Variants in USP31 observed in about 807,000 individuals in gnomAD.
USP31 encodes ubiquitin specific peptidase 31.
A neutral mutation model predicts 119.4 loss-of-function variants in USP31; 44 were observed. That is an observed-to-expected ratio of 0.37 (90% confidence interval 0.29 to 0.47). USP31 has a LOEUF of 0.47. Among genes scored for constraint, USP31 ranks in the 20% least tolerant of loss-of-function variants. The pLI is 0.99. For missense variants in USP31, 1,643 were observed against 1,730.2 expected, an observed-to-expected ratio of 0.95 and a Z score of 0.89; for synonymous variants, 749 against 705.6, an observed-to-expected ratio of 1.06 and a Z score of -0.97.
Position 23,102,399 on chromosome 16 carries a change from T to A in USP31, c.1154A>T (p.Glu385Val). 1 of 1,613,978 alleles carries A rather than the reference T, an allele frequency of 6.2e-7. No homozygotes were observed. Among genetic ancestry groups the A allele is most frequent in the Middle Eastern group, 1.7e-4 (1 of 6,060 alleles). ...AATGCAGTCGCTTTCATGGACTGTTTCCAGGTCGTCTGTATCACAAAAGGA... is the reference window on the plus strand; with the variant it reads ...AATGCAGTCGCTTTCATGGACTGTTACCAGGTCGTCTGTATCACAAAAGGA... ...HRSFCDTDDLETVHESDCIFA... is the reference protein window; with the variant it reads ...HRSFCDTDDLVTVHESDCIFA... Residue 385 changes from glutamate (E) to valine (V), a missense_variant, in exon 6 of 16, where the codon GAA becomes GTA. By Grantham distance (121) the Glu-to-Val change is moderately radical. Around this residue, in one of 5 missense-constraint regions of USP31, gnomAD observed 219 missense variants for 226.4 expected, o/e 0.97. Transcript: ENST00000219689.
chr16:23,140,761 A>G (rs997349625), intron 1 of USP31, among the ~76,000 whole-genome samples: 1 of 152,112 alleles, frequency 6.6e-6, no homozygotes. Context: ...TGACTCCCCC[A>G]AAACTCCTTC....
At chr16:23,077,003 C>T (rs1052537425) in intron 13 of USP31, among the ~76,000 whole-genome samples, 2 of 152,122 alleles carry the variant, frequency 1.3e-5, no homozygotes, top group Non-Finnish European at 2.9e-5. Context: ...GTATACATGG[C>T]CCCCATAAAA....
chr16:23,143,589 G>GGA (rs1555470411), intron 1 of USP31, among the ~76,000 whole-genome samples: 44 of 151,330 alleles, frequency 2.9e-4, no homozygotes, highest in Admixed American at 9.9e-4. Flanking sequence ...AGAGGTTGGG[G>GGA]GGGGGGAGAG....
chr16:23,090,357 G>A (rs1901300370), intron 7 of USP31, among the ~76,000 whole-genome samples: 1 of 152,048 alleles, frequency 6.6e-6, no homozygotes, highest in African/African-American at 2.4e-5. Flanking sequence ...CTACACTCCA[G>A]CCTGGGCAAC....
rs190193982 is a variant in USP31, at chr16:23,125,717, T to A, written c.634-17534A>T. On this transcript the variant is annotated intron_variant, in intron 1 of 15. Coordinates refer to ENST00000219689, the MANE Select transcript of USP31 (RefSeq NM_020718.4). ...AGGAAGATTTACCAAGTTGTCACTG[T>A]ACTGTTATAAAGGAACTCTTATTTT... Among the ~76,000 whole-genome samples the A allele has an allele frequency of 2.0e-3, 304 of 152,328 alleles. 2 individuals are homozygous for A. The highest frequency in any genetic ancestry group is 3.5e-3 in the Non-Finnish European group (236 of 68,026).
intron 6 of USP31, 106 bp downstream of exon 6, chr16:23,102,213 C>T (rs1901906832): frequency 8.1e-7 from 1 of 1,236,954 alleles, no homozygotes. Context: ...TATTTTACCA[C>T]AATTTAAAAA....
chr16:23,124,205 T>C (rs1003465849), intron 1 of USP31, among the ~76,000 whole-genome samples: 1 of 151,954 alleles, frequency 6.6e-6, no homozygotes, highest in Non-Finnish European at 1.5e-5. Flanking sequence ...ACCTCCACAT[T>C]ACCTAAAAGG....
chr16:23,084,166 A>C (rs1480527361), intron 11 of USP31, among the ~76,000 whole-genome samples: 1 of 152,218 alleles, frequency 6.6e-6, no homozygotes, highest in Non-Finnish European at 1.5e-5. Context: ...TTATGATCCT[A>C]GATATCAATG....
intron 6 of USP31, among the ~76,000 whole-genome samples, chr16:23,098,307 C>T (rs537239468): frequency 6.6e-6 from 1 of 152,234 alleles, no homozygotes; most frequent in East Asian, 1.9e-4. Context: ...CAAACCACTG[C>T]TCAATGAAAT....
At chr16:23,128,947 CATG>C (rs1902948282) in intron 1 of USP31, among the ~76,000 whole-genome samples, 2 of 152,128 alleles carry the variant, frequency 1.3e-5, no homozygotes, top group Admixed American at 6.5e-5. Flanking sequence ...GTTGCCAGTC[CATG>C]ATGAGATTAT....
intron 1 of USP31, among the ~76,000 whole-genome samples, chr16:23,110,085 A>T (rs1467361925): frequency 6.6e-6 from 1 of 152,188 alleles, no homozygotes; most frequent in Non-Finnish European, 1.5e-5. Flanking sequence ...AGTTATAACA[A>T]ATGCACTACA....
intron 11 of USP31, 38 bp from the exon 12 acceptor site, chr16:23,082,595 A>T (rs1215180937): frequency 6.2e-7 from 1 of 1,612,796 alleles, no homozygotes; most frequent in South Asian, 1.1e-5. Context: ...AGTGCCACTT[A>T]ATGCAAGACT....
In USP31 at chr16:23,067,440, G is replaced by A. The variant is rs1335357436; in HGVS notation, c.*606C>T. On this transcript the variant is annotated 3_prime_UTR_variant, in exon 16 of 16. Transcript: ENST00000219689. Reference sequence around the variant, plus strand: ...CACCTTCCTCTTTAATCCATTTACTGGTGTGCAACCATCCTAGACTAGCTG... The same window carrying A: ...CACCTTCCTCTTTAATCCATTTACTAGTGTGCAACCATCCTAGACTAGCTG... 3 of 152,646 alleles carry A rather than the reference G, an allele frequency of 2.0e-5. No homozygotes were observed. The highest frequency in any genetic ancestry group is 4.8e-5 in the African/African-American group (2 of 41,444). The allele number at this position is 152,646 out of a possible 1,614,324, so 9.5% of individuals were successfully genotyped here. A position where few individuals can be genotyped will look rare whatever the true frequency, so the allele number is the denominator to read the frequency against.
intron 6 of USP31, among the ~76,000 whole-genome samples, chr16:23,096,862 A>G (rs1343094943): frequency 1.3e-5 from 2 of 152,370 alleles, no homozygotes; most frequent in South Asian, 2.1e-4. Context: ...GGAAATTTAT[A>G]GCACCAAATG....
intron 1 of USP31, among the ~76,000 whole-genome samples, chr16:23,131,532 ATGT>A (rs1482071605): frequency 6.6e-6 from 1 of 152,108 alleles, no homozygotes; most frequent in African/African-American, 2.4e-5. Flanking sequence ...ACAGGCAAAA[ATGT>A]TGTTGGGGAC....
At chr16:23,080,391 G>A (rs1211967568) in intron 12 of USP31, among the ~76,000 whole-genome samples, 3 of 152,094 alleles carry the variant, frequency 2.0e-5, no homozygotes, top group Non-Finnish European at 4.4e-5. Context: ...TCCATATAGA[G>A]GGGGTAAATG....
chr16:23,069,300 C>T lies in USP31; in HGVS notation c.2805G>A (p.Lys935=). 1 of 1,609,546 alleles carries T rather than the reference C, an allele frequency of 6.2e-7. No individual in the cohort carries two copies. Among genetic ancestry groups the T allele is most frequent in the Non-Finnish European group, 8.5e-7 (1 of 1,177,742 alleles). The change falls in exon 16 of 16, where the codon AAG becomes AAA. Residue 935 remains lysine, a synonymous_variant. Transcript: ENST00000219689. ...PSDSHSRREH[K]AVGRAPLAVM... is the part of the protein sequence containing the mutation. ...CAGCCAGAGGGGCCCGGCCCACAGC[C>T]TTGTGCTCACGGCGACTATGACTGT...
chr16:23,087,944 G>C (rs188768228), intron 7 of USP31, 109 bp from the exon 8 acceptor site: 1 of 880,012 alleles, frequency 1.1e-6, no homozygotes, highest in East Asian at 2.6e-5. Flanking sequence ...ATTGGCTTTA[G>C]GACAGTTCTC....
rs1899835221 is a variant in USP31 at position 23,061,639 on chromosome 16, GTACGA to G, written c.*6402_*6406del. 2 of 152,586 alleles carry G rather than the reference GTACGA, an allele frequency of 1.3e-5. No individual in the cohort carries two copies. Among genetic ancestry groups the G allele is most frequent in the Admixed American group, 6.5e-5 (1 of 15,284 alleles). The allele number at this position is 152,586 out of a possible 1,614,324, so 9.5% of individuals were successfully genotyped here. A position where few individuals can be genotyped will look rare whatever the true frequency, so the allele number is the denominator to read the frequency against. ...ACTTGTTCTAAAATAAATTTAAAAT[GTACGA>G]TACACTTTTCTTCCAGCCTCTAGGA... On this transcript the variant is annotated 3_prime_UTR_variant, in exon 16 of 16. Coordinates refer to ENST00000219689, the MANE Select transcript of USP31 (RefSeq NM_020718.4).
Sources: gnomAD v4.1 joint callset for allele counts (sites outside exome capture counted in the v4.1 genomes callset) on GRCh38, gnomAD v4.1.1 for gene constraint, gnomAD v4.1.1 regional missense constraint, MANE v1.5 for transcripts, NCBI Gene and HGNC (gene_info 2026-07-23, HGNC 2026-07-21) for gene names.